Variants in RNF220 observed in about 807,000 individuals in gnomAD.
RNF220 encodes the protein E3 ubiquitin-protein ligase RNF220.
In RNF220, 7 loss-of-function variants were observed where a neutral mutation model predicts 67.1. That is an observed-to-expected ratio of 0.10 (90% CI 0.06 to 0.20). RNF220 has a LOEUF of 0.20. RNF220 is among the 10% of genes least tolerant of loss of function. The pLI, the probability that RNF220 is intolerant of heterozygous loss-of-function variation, is 1.00. For synonymous variants in RNF220, 270 were observed against 283.2 expected (o/e 0.95, Z 0.47); for missense variants, 565 against 740.3 (o/e 0.76, Z 2.75).
At chr1:44,511,491 C>T (rs1005082214) in intron 2 of RNF220, among the ~76,000 whole-genome samples, 3 of 152,132 alleles carry the variant, frequency 2.0e-5, no homozygotes, top group Admixed American at 6.5e-5. Context: ...ATGCTCAGCT[C>T]ATTTTTTAGA....
At chr1:44,598,252 A>G (rs576960215) in intron 2 of RNF220, among the ~76,000 whole-genome samples, 1 of 152,218 alleles carries the variant, frequency 6.6e-6, no homozygotes, top group African/African-American at 2.4e-5. Context: ...TCCCCAGGTC[A>G]TGAGCAGCAG....
At chr1:44,546,670 T>C (rs1662182511) in intron 2 of RNF220, among the ~76,000 whole-genome samples, 1 of 152,142 alleles carries the variant, frequency 6.6e-6, no homozygotes, top group South Asian at 2.1e-4. Flanking sequence ...TCAGAGTCAT[T>C]GATGCACCGA....
rs568784860 is a variant in RNF220 at position 44,630,753 on chromosome 1, A to G, written c.907-1590A>G. On this transcript the variant is annotated intron_variant, in intron 5 of 14. Transcript: ENST00000361799. ...AGGGCATGGAGGCTCTCTGGCCTGG[A>G]GTGCAGAGCATGGAGTGCTCAAAGA... 9.2e-5 allele frequency among the ~76,000 whole-genome samples: 14 copies of G among 152,382 alleles called. 1 individual carries two copies. In the South Asian group the frequency reaches 2.9e-3, roughly 32 times the overall value.
chr1:44,571,076 G>GAAA (rs200658424), intron 2 of RNF220, among the ~76,000 whole-genome samples: 2 of 143,784 alleles, frequency 1.4e-5, no homozygotes, highest in Non-Finnish European at 3.1e-5. Flanking sequence ...TCCATCTGAA[G>GAAA]AAAAAAAAAA....
intron 2 of RNF220, among the ~76,000 whole-genome samples, chr1:44,415,079 CT>C (rs1648385146): frequency 6.8e-6 from 1 of 147,846 alleles, no homozygotes; most frequent in Non-Finnish European, 1.5e-5. Context: ...AGCGTTTGTG[CT>C]TTTGATTGCG....
At chr1:44,442,514 C>CTTTT (rs10636964) in intron 2 of RNF220, among the ~76,000 whole-genome samples, 11,662 of 127,558 alleles carry the variant, frequency 0.091, 768 homozygotes, top group East Asian at 0.25. Flanking sequence ...CACTCACACT[C>CTTTT]TTTTTTTTTT....
chr1:44,577,615 A>T (rs1664904196), intron 2 of RNF220, among the ~76,000 whole-genome samples: 1 of 152,260 alleles, frequency 6.6e-6, no homozygotes, highest in Non-Finnish European at 1.5e-5. Flanking sequence ...TGGGAAACAG[A>T]CAATGAAAAG....
chr1:44,413,756 G>A (rs887522395), intron 2 of RNF220, among the ~76,000 whole-genome samples: 50 of 151,620 alleles, frequency 3.3e-4, no homozygotes, highest in African/African-American at 1.0e-3. Context: ...CTATTTTTTC[G>A]TGCTCCCATC....
At chr1:44,588,114 C>T (rs1430156142) in intron 2 of RNF220, among the ~76,000 whole-genome samples, 1 of 152,204 alleles carries the variant, frequency 6.6e-6, no homozygotes, top group Non-Finnish European at 1.5e-5. Context: ...TGGCAGGAAG[C>T]AATCAGGCAG....
chr1:44,587,966 G>C (rs1312864277), intron 2 of RNF220, among the ~76,000 whole-genome samples: 1 of 152,174 alleles, frequency 6.6e-6, no homozygotes, highest in Non-Finnish European at 1.5e-5. Context: ...TGTGGGCTGG[G>C]GATGGGGCAC....
chr1:44,422,353 GAAC>G (rs1240283461), intron 2 of RNF220, among the ~76,000 whole-genome samples: 1 of 152,062 alleles, frequency 6.6e-6, no homozygotes, highest in East Asian at 1.9e-4. Flanking sequence ...AAAATCCTTA[GAAC>G]AACAAAAGTC....
intron 3 of RNF220, among the ~76,000 whole-genome samples, chr1:44,619,165 C>T (rs1643687950): frequency 6.6e-6 from 1 of 152,148 alleles, no homozygotes; most frequent in Non-Finnish European, 1.5e-5. Flanking sequence ...GATGAAGTAG[C>T]CTTGGGCATG....
intron 2 of RNF220, among the ~76,000 whole-genome samples, chr1:44,443,425 C>T (rs1294144956): frequency 6.6e-6 from 1 of 152,194 alleles, no homozygotes; most frequent in Non-Finnish European, 1.5e-5. Context: ...GCAGTAGGCT[C>T]CTAACATGCT....
At chr1:44,406,878 G>A (rs1647391031) in intron 1 of RNF220, among the ~76,000 whole-genome samples, 1 of 152,270 alleles carries the variant, frequency 6.6e-6, no homozygotes, top group South Asian at 2.1e-4. Flanking sequence ...CCCAGTCCAG[G>A]AGCCTCTCCG....
Position 44,421,305 on chromosome 1 carries a change from T to C in RNF220, c.625+8583T>C, listed in dbSNP as rs146039301. Among the ~76,000 whole-genome samples the C allele has an allele frequency of 6.7e-3, 1,013 of 152,328 alleles. 9 individuals are homozygous for C. Among genetic ancestry groups the C allele is most frequent in the Non-Finnish European group, 0.012 (792 of 68,034 alleles). On this transcript the variant is annotated intron_variant, in intron 2 of 14. Transcript: ENST00000361799. The stretch of plus-strand genomic sequence containing the variant: ...ATATTGTTTGAAATCAATGGGTTAT[T>C]AGAATTTGTGTGTGATAGAGATTTG...
intron 2 of RNF220, among the ~76,000 whole-genome samples, chr1:44,526,739 C>G (rs998077577): frequency 6.6e-6 from 1 of 152,044 alleles, no homozygotes; most frequent in Non-Finnish European, 1.5e-5. Flanking sequence ...ACATTACTCT[C>G]CCCTCTTCCT....
chr1:44,462,172 A>G (rs946928519), intron 2 of RNF220, among the ~76,000 whole-genome samples: 1 of 151,582 alleles, frequency 6.6e-6, no homozygotes, highest in Non-Finnish European at 1.5e-5. Flanking sequence ...TGCTCAAGTG[A>G]TCCGCCCGCC....
At chr1:44,601,279 T>TA (rs1287314073) in intron 2 of RNF220, among the ~76,000 whole-genome samples, 1 of 151,624 alleles carries the variant, frequency 6.6e-6, no homozygotes, top group Non-Finnish European at 1.5e-5. Flanking sequence ...GGTTAGGAGG[T>TA]AAAAAAGTAT....
intron 4 of RNF220, 22 bp from the exon 5 acceptor site, chr1:44,626,275 C>T: frequency 6.3e-7 from 1 of 1,595,234 alleles, no homozygotes; most frequent in Non-Finnish European, 8.6e-7. Context: ...CCTGAGGCCA[C>T]ATGTCTTTTT....
Sources: gnomAD v4.1 joint callset for allele counts (sites outside exome capture counted in the v4.1 genomes callset) on GRCh38, gnomAD v4.1.1 for gene constraint, MANE v1.5 for transcripts, NCBI Gene and HGNC (gene_info 2026-07-23, HGNC 2026-07-21) for gene names.